Variants in FGF13 observed in about 807,000 individuals in gnomAD.
FGF13 encodes the protein fibroblast growth factor 13.
Under a neutral mutation model 19.5 loss-of-function variants are expected in FGF13, and 2 were observed. The ratio of observed to expected loss-of-function variants is 0.10; its 90% CI spans 0.04 to 0.32. FGF13 has a LOEUF of 0.32. Ranked by LOEUF, FGF13 falls within the 10% of genes least tolerant of loss-of-function variation. The pLI is 1.00. For missense variants in FGF13, 113 were observed against 192.7 expected (o/e 0.59, Z 2.45); for synonymous variants, 72 against 76.9 (o/e 0.94, Z 0.33).
intron 1 of FGF13, among the ~76,000 whole-genome samples, chrX:139,152,294 G>A (rs1366918016): frequency 9.4e-4 from 88 of 94,102 alleles, no homozygotes; most frequent in Non-Finnish European, 1.7e-3. Context: ...GCCCCGGGGC[G>A]ATTACCGATG....
intron 2 of FGF13, chrX:138,857,796 T>A (rs1371149344): frequency 4.8e-6 from 3 of 619,153 alleles, no homozygotes; most frequent in Non-Finnish European, 6.9e-6. Flanking sequence ...AAGAAAAGTT[T>A]CAAAGAAAAA....
intron 3 of FGF13, among the ~76,000 whole-genome samples, chrX:138,771,423 C>T: frequency 1.8e-5 from 2 of 111,636 alleles, no homozygotes; most frequent in South Asian, 7.5e-4. Context: ...ATAAATGATA[C>T]ATTTTTTAGT....
At chrX:138,892,123 T>G (rs1226275803) in intron 1 of FGF13, among the ~76,000 whole-genome samples, 2 of 110,514 alleles carry the variant, frequency 1.8e-5, no homozygotes, top group Non-Finnish European at 3.8e-5. Flanking sequence ...AAGTCTTATC[T>G]TCCCATCTAG....
intron 3 of FGF13, among the ~76,000 whole-genome samples, chrX:138,814,185 A>G: frequency 9.1e-6 from 1 of 110,480 alleles, no homozygotes; most frequent in East Asian, 2.9e-4. Flanking sequence ...TATAATCCCA[A>G]TAAAAATAAC....
chrX:138,696,822 T>A (rs974697390), intron 3 of FGF13, among the ~76,000 whole-genome samples: 1 of 112,256 alleles, frequency 8.9e-6, no homozygotes, highest in Non-Finnish European at 1.9e-5. Context: ...CATCTCGGGC[T>A]TTTCCCTATT....
At chrX:138,743,038 A>T (rs1223236721), upstream of FGF13, among the ~76,000 whole-genome samples, 3 of 111,639 alleles carry the variant, frequency 2.7e-5, no homozygotes, top group African/African-American at 3.3e-5. Context: ...TTCATTTAAA[A>T]AATACTGAGT....
intron 3 of FGF13, among the ~76,000 whole-genome samples, chrX:138,675,094 G>A (rs938540283): frequency 9.0e-6 from 1 of 111,348 alleles, no homozygotes; most frequent in Non-Finnish European, 1.9e-5. Flanking sequence ...CATGGTTATG[G>A]CTCTGATGAG....
intron 1 of FGF13, among the ~76,000 whole-genome samples, chrX:139,015,627 A>T (rs950170532): frequency 9.0e-6 from 1 of 111,565 alleles, no homozygotes; most frequent in Non-Finnish European, 1.9e-5. Context: ...TAAAATGTCC[A>T]TCCTACCCAA....
chrX:138,751,224 C>T (rs2090395764), intron 3 of FGF13, among the ~76,000 whole-genome samples: 1 of 111,022 alleles, frequency 9.0e-6, no homozygotes, highest in African/African-American at 3.3e-5. Context: ...TTCCCTGCAC[C>T]CTCTATTGCC....
chrX:138,975,737 T>C (rs2091937161), intron 1 of FGF13, among the ~76,000 whole-genome samples: 1 of 111,177 alleles, frequency 9.0e-6, no homozygotes, highest in African/African-American at 3.3e-5. Flanking sequence ...CTGAGAGCAG[T>C]TCACTGGGGC....
intron 3 of FGF13, among the ~76,000 whole-genome samples, chrX:138,846,647 C>T (rs1009897772): frequency 9.0e-6 from 1 of 111,713 alleles, no homozygotes; most frequent in Admixed American, 9.5e-5. Context: ...GCCTGCAGAA[C>T]TGTGAGCCAC....
At chrX:138,820,654 A>C (rs1447841726) in intron 3 of FGF13, among the ~76,000 whole-genome samples, 2 of 112,261 alleles carry the variant, frequency 1.8e-5, no homozygotes, top group Non-Finnish European at 3.8e-5. Context: ...GAGACAAATC[A>C]ACTTACATCT....
At chrX:138,941,831 TCCAC>T in intron 1 of FGF13, among the ~76,000 whole-genome samples, 1 of 112,075 alleles carries the variant, frequency 8.9e-6, no homozygotes, top group South Asian at 3.8e-4. Context: ...ATGCTCCCTC[TCCAC>T]TAGTGTGTCT....
intron 1 of FGF13, among the ~76,000 whole-genome samples, chrX:138,912,008 C>G (rs2091590632): frequency 1.8e-5 from 2 of 111,940 alleles, no homozygotes; most frequent in Admixed American, 9.5e-5. Context: ...TTCCTACTAT[C>G]TTGGAGACTG....
At chrX:139,186,159 GAATCACCACTGAA>G (rs1161306094) in intron 1 of FGF13, among the ~76,000 whole-genome samples, 1 of 111,750 alleles carries the variant, frequency 8.9e-6, no homozygotes, top group African/African-American at 3.3e-5. Flanking sequence ...GGATCATTAT[GAATCACCACTGAA>G]AATCAGGCTG....
intron 1 of FGF13, among the ~76,000 whole-genome samples, chrX:139,156,556 C>A (rs1478611076): frequency 8.9e-6 from 1 of 112,818 alleles, no homozygotes; most frequent in African/African-American, 3.2e-5. Context: ...TGAGTGTGGT[C>A]TCTGGCCAAC....
At chrX:138,999,412 A>AGAT (rs1021364276) in intron 1 of FGF13, among the ~76,000 whole-genome samples, 1 of 111,549 alleles carries the variant, frequency 9.0e-6, no homozygotes, top group African/African-American at 3.3e-5. Context: ...TTTTTGGAAA[A>AGAT]GATCAACAAA....
intron 1 of FGF13, among the ~76,000 whole-genome samples, chrX:139,023,883 A>AT (rs1176075941): frequency 2.7e-5 from 3 of 111,448 alleles, no homozygotes; most frequent in African/African-American, 6.5e-5. Context: ...ATTTAATGTG[A>AT]TTTTTTCTTT....
intron 1 of FGF13, among the ~76,000 whole-genome samples, chrX:139,004,521 G>T (rs2092092180): frequency 8.9e-6 from 1 of 112,650 alleles, no homozygotes; most frequent in Admixed American, 9.3e-5. Context: ...GCCAAAGTGG[G>T]AGCCCAGGCA....
Sources: gnomAD v4.1 joint callset for allele counts (sites outside exome capture counted in the v4.1 genomes callset) on GRCh38, gnomAD v4.1.1 for gene constraint, MANE v1.5 for transcripts, NCBI Gene and HGNC (gene_info 2026-07-23, HGNC 2026-07-21) for gene names.